KIAA0586: variants seen among roughly 807,000 people sequenced by gnomAD.
KIAA0586 encodes the protein protein TALPID3.
A neutral mutation model predicts 169.8 loss-of-function variants in KIAA0586; 144 were observed. The observed-to-expected ratio is 0.85, with a 90% CI of 0.74 to 0.97. The LOEUF is 0.97. Ranked by LOEUF, KIAA0586 falls within the 50% of genes least tolerant of loss-of-function variation. The pLI is 0.00. For missense variants in KIAA0586, 1,854 were observed against 1,823.0 expected (o/e 1.02, Z -0.31); for synonymous variants, 625 against 612.4 (o/e 1.02, Z -0.30).
At position 58,440,537 on chromosome 14, in the gene KIAA0586, G is replaced by A. The variant is rs374321279; in HGVS notation, c.411-2169G>A. ...TAGTAGAGACAGGGTTCACCATGTT[G>A]GTCAGGCTGGTCTCAAACTCCTGAC... On this transcript the variant is annotated intron_variant, in intron 4 of 30. Coordinates refer to ENST00000652326, the MANE Select transcript of KIAA0586 (RefSeq NM_001329943.3). 6.8e-4 allele frequency among the ~76,000 whole-genome samples: 104 copies of A among 152,282 alleles called. 1 individual carries two copies. The highest frequency in any genetic ancestry group is 6.8e-3 in the Middle Eastern group (2 of 294).
chr14:58,459,843 G>A lies in KIAA0586; in HGVS notation c.1657G>A (p.Asp553Asn). Reference protein sequence around the residue: ...WIKTISAEIQDELSRTDYEQK... With the variant: ...WIKTISAEIQNELSRTDYEQK... ...TAATTTTAACTTTGGTTATGTTAAG[G>A]ATGAACTGTCAAGAACAGATTATGA... is the stretch of plus-strand genomic sequence containing the variant. The change falls in exon 13 of 31, where the codon GAT becomes AAT. Residue 553 changes from aspartate to asparagine, a missense_variant and splice_region_variant. By Grantham distance (23) the Asp-to-Asn change is conservative (BLOSUM62 1). Transcript: ENST00000652326. The A allele has an allele frequency of 6.7e-7, 1 of 1,493,786 alleles. No individual in the cohort carries two copies. Among genetic ancestry groups the A allele is most frequent in the Non-Finnish European group, 8.9e-7 (1 of 1,120,540 alleles). 92.5% of individuals were successfully genotyped at this position (1,493,786 alleles called of 1,614,324 possible).
At position 58,432,436 on chromosome 14, in the gene KIAA0586, T is replaced by A. The variant is rs1265301642; in HGVS notation, c.389T>A (p.Leu130Gln). The A allele has an allele frequency of 1.3e-6, 2 of 1,568,774 alleles. No individual in the cohort carries two copies. The highest frequency in any genetic ancestry group is 2.7e-5 in the African/African-American group (2 of 72,810). The change falls in exon 4 of 31, where the codon CTA (leucine) becomes CAA (glutamine). Residue 130 changes from leucine to glutamine, a missense_variant. Leu to Gln is a moderately radical substitution (Grantham distance 113). Transcript: ENST00000652326. ...TATACAATGGGACAGAAAGATGCTC[T>A]AAGAACAGTTTTAAAGCAAAAGTAA... is the stretch of plus-strand genomic sequence containing the variant. The part of the protein sequence containing the change: ...SQYTMGQKDA[L>Q]RTVLKQKAQS...
rs1049863128 is a variant in KIAA0586, at chr14:58,487,123, T to A, written c.3261T>A (p.Asp1087Glu). 5.0e-6 allele frequency: 8 copies of A among 1,613,648 alleles called. No homozygotes were observed. The African/African-American group carries it at 9.3e-5, about 19-fold the overall frequency. Residue 1087 changes from aspartate (D) to glutamate (E), a missense_variant, in exon 22 of 31, where the codon GAT becomes GAA. Transcript: ENST00000652326. ...KTPDSSPCDS[D>E]HDMAFPVKEI... ...CAGATTCTTCTCCCTGTGATTCGGA[T>A]CATGATATGGCTTTTCCTGTGAAAG... is the stretch of plus-strand genomic sequence containing the variant.
At position 58,543,912 on chromosome 14, in the gene KIAA0586, TG is replaced by T. The variant is rs1237632090; in HGVS notation, c.4495+3777del. The T allele has an allele frequency of 1.5e-5, 7 of 455,984 alleles. No homozygotes were observed. Among genetic ancestry groups the T allele is most frequent in the Non-Finnish European group, 3.1e-5 (7 of 226,910 alleles). 28.2% of individuals were successfully genotyped at this position (455,984 alleles called of 1,614,324 possible). The stretch of plus-strand genomic sequence containing the variant: ...GGGGGTACATGTGAAGAAGGTTTCC[TG>T]TATAGGTAAACTCGGGCTGTGGAGG... On this transcript the variant is annotated intron_variant, in intron 30 of 30. Coordinates refer to ENST00000652326, the MANE Select transcript of KIAA0586 (RefSeq NM_001329943.3).
intron 8 of KIAA0586, among the ~76,000 whole-genome samples, chr14:58,452,919 AAT>A (rs1566813336): frequency 2.1e-5 from 3 of 142,974 alleles, no homozygotes; most frequent in Non-Finnish European, 1.5e-5. Flanking sequence ...GTAGGCTATA[AAT>A]TTTTTTTTTT....
intron 17 of KIAA0586, 23 bp downstream of exon 17, chr14:58,470,746 A>C: frequency 8.2e-7 from 1 of 1,226,778 alleles, no homozygotes; most frequent in African/African-American, 1.5e-5. Context: ...ATTTTATCAT[A>C]TTATTTTGAG....
At chr14:58,461,894 G>GT (rs2040352483) in intron 14 of KIAA0586, among the ~76,000 whole-genome samples, 2 of 152,160 alleles carry the variant, frequency 1.3e-5, no homozygotes, top group Admixed American at 6.5e-5. Flanking sequence ...CACATCTACT[G>GT]TTTCACTGGT....
At chr14:58,499,033 T>C in intron 27 of KIAA0586, 73 bp downstream of exon 27, 4 of 1,334,244 alleles carry the variant, frequency 3.0e-6, no homozygotes, top group Non-Finnish European at 4.0e-6. Flanking sequence ...AGTATACCTA[T>C]TTTCAGATAG....
chr14:58,490,950 T>G, intron 25 of KIAA0586, among the ~76,000 whole-genome samples: 1 of 152,146 alleles, frequency 6.6e-6, no homozygotes, highest in East Asian at 1.9e-4. Flanking sequence ...AAATACTTCA[T>G]TAAGAAGTTT....
chr14:58,480,684 T>C (rs879852918), intron 20 of KIAA0586, among the ~76,000 whole-genome samples: 1 of 152,218 alleles, frequency 6.6e-6, no homozygotes. Context: ...TTTTCTTTGC[T>C]TTGCTCTTCT....
intron 26 of KIAA0586, among the ~76,000 whole-genome samples, chr14:58,494,261 T>C (rs2043012401): frequency 6.6e-6 from 1 of 151,954 alleles, no homozygotes; most frequent in Admixed American, 6.6e-5. Context: ...TAACTATTAA[T>C]TTGTTCTCTG....
intron 14 of KIAA0586, among the ~76,000 whole-genome samples, chr14:58,461,453 T>A (rs2040315957): frequency 6.6e-6 from 1 of 152,062 alleles, no homozygotes. Context: ...ATTTTTTTTT[T>A]AGACAAGGTC....
At chr14:58,428,525 G>A in intron 1 of KIAA0586, 62 bp downstream of exon 1, 1 of 1,241,462 alleles carries the variant, frequency 8.1e-7, no homozygotes, top group Non-Finnish European at 1.2e-6. Flanking sequence ...GTCCTTATTT[G>A]TTTAAATTCC....
intron 5 of KIAA0586, 45 bp from the exon 6 acceptor site, chr14:58,443,909 G>T: frequency 9.0e-7 from 1 of 1,110,494 alleles, no homozygotes; most frequent in South Asian, 1.4e-5. Context: ...ACATATTTTT[G>T]GTATCCTATA....
chr14:58,531,350 AT>A, intron 29 of KIAA0586, among the ~76,000 whole-genome samples: 1 of 151,264 alleles, frequency 6.6e-6, no homozygotes, highest in African/African-American at 2.4e-5. Context: ...AATAAAATAA[AT>A]AAAAAATAAA....
At chr14:58,553,908 G>A (rs372437982), downstream of KIAA0586, among the ~76,000 whole-genome samples, 4 of 152,166 alleles carry the variant, frequency 2.6e-5, 1 homozygote. Flanking sequence ...GAGCAATTTG[G>A]GCTGGGCTCA....
intron 29 of KIAA0586, among the ~76,000 whole-genome samples, chr14:58,525,271 G>A (rs2045500359): frequency 6.6e-6 from 1 of 152,068 alleles, no homozygotes; most frequent in Non-Finnish European, 1.5e-5. Flanking sequence ...GCCTGGGCAA[G>A]ATGGCTGAAC....
chr14:58,534,005 C>T (rs1424262885), intron 29 of KIAA0586, among the ~76,000 whole-genome samples: 2 of 152,090 alleles, frequency 1.3e-5, no homozygotes, highest in East Asian at 3.8e-4. Context: ...CACTATGTCA[C>T]ATTTAATTTT....
In KIAA0586 at chr14:58,455,604, A is replaced by G. The variant is rs569987912; in HGVS notation, c.1254-1098A>G. Among the ~76,000 whole-genome samples the G allele has an allele frequency of 4.6e-5, 7 of 152,228 alleles. No individual in the cohort carries two copies. In the East Asian group the frequency reaches 1.4e-3, roughly 29 times the overall value. On this transcript the variant is annotated intron_variant, in intron 9 of 30. Transcript: ENST00000652326. Reference sequence around the variant, plus strand: ...CTCTGTTTTGTTAGCTTAGTCTGCCAGTGATTGGAAAGAGATTTCCTTAAC... The same window carrying G: ...CTCTGTTTTGTTAGCTTAGTCTGCCGGTGATTGGAAAGAGATTTCCTTAAC...
Sources: allele counts gnomAD v4.1 joint callset (sites outside exome capture counted in the v4.1 genomes callset), GRCh38; gene constraint gnomAD v4.1.1; transcripts MANE v1.5; gene names NCBI Gene and HGNC (gene_info 2026-07-23, HGNC 2026-07-21).